DDX49: variants seen among roughly 807,000 people sequenced by gnomAD.
DDX49 encodes the protein DEAD-box helicase 49.
In DDX49, 50 loss-of-function variants were observed where a neutral mutation model predicts 56.3. That is an observed-to-expected ratio of 0.89 (90% CI 0.71 to 1.12). The LOEUF (loss-of-function observed/expected upper bound fraction) is 1.12. DDX49 is among the 50% of genes most tolerant of loss of function. The pLI, the probability that DDX49 is intolerant of heterozygous loss-of-function variation, is 0.00. For missense variants in DDX49, 614 were observed against 650.5 expected, an observed-to-expected ratio of 0.94 and a Z score of 0.61; for synonymous variants, 269 against 270.6, an observed-to-expected ratio of 0.99 and a Z score of 0.06.
chr19:18,926,175 C>G (rs2056959053), intron 9 of DDX49, 128 bp from the exon 10 acceptor site: 1 of 963,068 alleles, frequency 1.0e-6, no homozygotes, highest in Non-Finnish European at 1.6e-6. Flanking sequence ...CTGGGCTGAT[C>G]CCTCCCAAGC....
intron 4 of DDX49, 136 bp downstream of exon 4, chr19:18,922,100 G>C (rs1299241603): frequency 1.5e-6 from 2 of 1,316,720 alleles, no homozygotes; most frequent in African/African-American, 1.5e-5. Context: ...GCTAGGAACA[G>C]TGACAAGGAC....
chr19:18,927,722 A>G, intron 10 of DDX49, 44 bp from the exon 11 acceptor site: 1 of 1,555,856 alleles, frequency 6.4e-7, no homozygotes, highest in Non-Finnish European at 8.9e-7. Flanking sequence ...TCTCCATGTC[A>G]CGTCTCCTCC....
intron 4 of DDX49, 109 bp downstream of exon 4, chr19:18,922,073 A>G: frequency 7.0e-7 from 1 of 1,423,394 alleles, no homozygotes; most frequent in Non-Finnish European, 9.4e-7. Flanking sequence ...TATGTCCGTT[A>G]GACTGTCCAG....
chr19:18,926,675 C>A (rs980367947), intron 10 of DDX49, among the ~76,000 whole-genome samples: 1 of 152,184 alleles, frequency 6.6e-6, no homozygotes, highest in African/African-American at 2.4e-5. Flanking sequence ...ATTGACAGGG[C>A]CTGGCCTGCT....
chr19:18,928,053 C>A lies in DDX49; in HGVS notation c.1263+17C>A, dbSNP rs1209146467. On this transcript the variant is annotated intron_variant, in intron 12 of 12. Transcript: ENST00000247003. ...GAGGGGAAGGTGAGGGCCGAGCCCG[C>A]AGGTAGGGGGTGGGTGGCCAGGTTC... 1.9e-6 allele frequency: 3 copies of A among 1,613,370 alleles called. No individual in the cohort carries two copies. Among genetic ancestry groups the A allele is most frequent in the Non-Finnish European group, 2.5e-6 (3 of 1,179,898 alleles).
At position 18,928,255 on chromosome 19, in the gene DDX49, G is replaced by A. The variant is rs138056361; in HGVS notation, c.1391G>A (p.Arg464His). Residue 464 changes from arginine (R) to histidine (H), a missense_variant, in exon 13 of 13, where the codon CGT becomes CAT. Physicochemically the swap from Arg to His is conservative, Grantham distance 29 (BLOSUM62 0). Transcript: ENST00000247003. ...GCTGGCAGGGCTGGCCACAAGGGGC[G>A]TCCACCCAGGACACCGTCTGGGTCC... ...QKAGRAGHKG[R>H]PPRTPSGSHS... 1.1e-4 allele frequency: 179 copies of A among 1,587,924 alleles called. No homozygotes were observed. In the Middle Eastern group the frequency reaches 1.2e-3, roughly 10 times the overall value.
chr19:18,927,730 T>TGG, intron 10 of DDX49, 36 bp from the exon 11 acceptor site: 45 of 1,560,958 alleles, frequency 2.9e-5, no homozygotes, highest in Non-Finnish European at 3.6e-5. Flanking sequence ...TCACGTCTCC[T>TGG]CCCCACCCCC....
chr19:18,920,451 C>A (rs950650032), intron 1 of DDX49, 129 bp from the exon 2 acceptor site: 1 of 907,648 alleles, frequency 1.1e-6, no homozygotes, highest in Non-Finnish European at 1.6e-6. Flanking sequence ...AAGCTGTGGG[C>A]ATCTCGGGTC....
Position 18,921,958 on chromosome 19 carries a change from C to T in DDX49, c.441C>T (p.Arg147=), listed in dbSNP as rs140755701. The change falls in exon 4 of 13, where the codon CGC becomes CGT. Residue 147 remains arginine, a synonymous_variant. Coordinates refer to ENST00000247003, the MANE Select transcript of DDX49 (RefSeq NM_019070.5). ...SSNTFSIKKI[R]FLVMDEADRL... Reference sequence around the variant, plus strand: ...ACACTTTTAGTATAAAGAAGATCCGCTTCCTGGTGAGTTCGCCCCGCCCCT... The same window carrying T: ...ACACTTTTAGTATAAAGAAGATCCGTTTCCTGGTGAGTTCGCCCCGCCCCT... The T allele has an allele frequency of 3.6e-4, 576 of 1,607,898 alleles. 2 individuals are homozygous for T. The highest frequency in any genetic ancestry group is 4.4e-4 in the Non-Finnish European group (517 of 1,176,194).
At chr19:18,927,258 C>T (rs1411754621) in intron 10 of DDX49, among the ~76,000 whole-genome samples, 5 of 151,888 alleles carry the variant, frequency 3.3e-5, no homozygotes, top group Non-Finnish European at 7.4e-5. Context: ...TAGCAGCACA[C>T]GCCCGTAGTT....
Position 18,924,879 on chromosome 19 carries a change from C to T in DDX49, c.930-3C>T. 1.9e-6 allele frequency: 3 copies of T among 1,612,886 alleles called. No individual in the cohort carries two copies. On this transcript the variant is annotated splice_polypyrimidine_tract_variant and splice_region_variant and intron_variant, in intron 8 of 12. Transcript: ENST00000247003. ...GGAGCTGACCAGCCACCTCTGCCTC[C>T]AGGGGCCTGGACATCCCTACGGTAC...
chr19:18,924,331 C>T (rs2145103025), intron 7 of DDX49, 23 bp downstream of exon 7: 1 of 1,572,246 alleles, frequency 6.4e-7, no homozygotes, highest in East Asian at 2.2e-5. Context: ...TGGGGCCCGC[C>T]AGCCTCACCC....
At chr19:18,927,724 G>A (rs774900434) in intron 10 of DDX49, 42 bp from the exon 11 acceptor site, 15 of 1,572,074 alleles carry the variant, frequency 9.5e-6, no homozygotes, top group African/African-American at 1.4e-5. Context: ...TCCATGTCAC[G>A]TCTCCTCCCC....
chr19:18,924,763 G>A, intron 8 of DDX49, 64 bp downstream of exon 8: 1 of 1,613,488 alleles, frequency 6.2e-7, no homozygotes, highest in Non-Finnish European at 8.5e-7. Flanking sequence ...CCACAGATGA[G>A]AAGGCTGGCC....
At chr19:18,923,268 T>C (rs1177428555) in intron 6 of DDX49, among the ~76,000 whole-genome samples, 1 of 152,158 alleles carries the variant, frequency 6.6e-6, no homozygotes, top group Non-Finnish European at 1.5e-5. Flanking sequence ...ACACCTGTAA[T>C]CCCAGCACTT....
chr19:18,922,169 T>C (rs997640247), intron 4 of DDX49, 157 bp from the exon 5 acceptor site: 24 of 1,171,904 alleles, frequency 2.0e-5, no homozygotes, highest in Non-Finnish European at 2.5e-5. Flanking sequence ...GGGTAGGGCC[T>C]TGCTGAGACT....
At chr19:18,926,128 C>T (rs2096806932) in intron 9 of DDX49, among the ~76,000 whole-genome samples, 175 bp from the exon 10 acceptor site, 1 of 152,222 alleles carries the variant, frequency 6.6e-6, no homozygotes, top group Non-Finnish European at 1.5e-5. Flanking sequence ...ACCCGTCCTC[C>T]ACACAGTGGT....
At chr19:18,922,280 G>A (rs2158004) in intron 4 of DDX49, 46 bp from the exon 5 acceptor site, 240,790 of 1,584,194 alleles carry the variant, frequency 0.15, 21,469 homozygotes, top group African/African-American at 0.41. Context: ...GCCAAGACCC[G>A]GGGCCATGGA....
At position 18,920,706 on chromosome 19, in the gene DDX49, A is replaced by G; in HGVS notation, c.239+3A>G. 4 of 1,593,944 alleles carry G rather than the reference A, an allele frequency of 2.5e-6. No homozygotes were observed. The highest frequency in any genetic ancestry group is 3.4e-6 in the Non-Finnish European group (4 of 1,163,446). ...TGCCTCGTCCTGACACCCACCAGGT[A>G]AGCCCCCAGCAGGCCTCCTGGGTAT... On this transcript the variant is annotated splice_donor_region_variant and intron_variant, in intron 2 of 12. Transcript: ENST00000247003.
Sources: gnomAD v4.1 joint callset for allele counts (sites outside exome capture counted in the v4.1 genomes callset) on GRCh38, gnomAD v4.1.1 for gene constraint, MANE v1.5 for transcripts, NCBI Gene and HGNC (gene_info 2026-07-23, HGNC 2026-07-21) for gene names.